Variants in SGCZ observed in about 807,000 individuals in gnomAD.
The protein encoded by SGCZ is zeta-sarcoglycan.
SGCZ carries 40 observed loss-of-function variants against 41.3 expected under a neutral mutation model. The ratio of observed to expected loss-of-function variants is 0.97; its 90% CI spans 0.75 to 1.26. The LOEUF (loss-of-function observed/expected upper bound fraction) is 1.26, where lower values mean the gene tolerates loss of function less well. Among genes scored for constraint, SGCZ ranks in the 50% most tolerant of loss-of-function variants. The probability of loss-of-function intolerance (pLI) is 0.00; values close to 1 mark genes in which losing one functional copy is unlikely to be tolerated. For missense variants in SGCZ, 552 were observed against 369.8 expected (o/e 1.49, Z -4.04); for synonymous variants, 206 against 137.5 (o/e 1.50, Z -3.49).
At chr8:14,606,371 G>A (rs1272919424) in intron 1 of SGCZ, among the ~76,000 whole-genome samples, 1 of 152,102 alleles carries the variant, frequency 6.6e-6, no homozygotes, top group Non-Finnish European at 1.5e-5. Context: ...AGCCACAATG[G>A]CTTTGTAATT....
chr8:14,346,432 T>C (rs1802893493), intron 2 of SGCZ, among the ~76,000 whole-genome samples: 2 of 152,034 alleles, frequency 1.3e-5, no homozygotes, highest in South Asian at 4.1e-4. Flanking sequence ...ACTAAAATTC[T>C]GACATAATAA....
chr8:15,174,778 G>A (rs1799948781), intron 1 of SGCZ, among the ~76,000 whole-genome samples: 1 of 152,176 alleles, frequency 6.6e-6, no homozygotes, highest in Admixed American at 6.6e-5. Context: ...ATCTCCATGT[G>A]CATTTCCTTG....
chr8:14,645,626 C>G (rs918745335), intron 1 of SGCZ, among the ~76,000 whole-genome samples: 1 of 151,278 alleles, frequency 6.6e-6, no homozygotes, highest in African/African-American at 2.4e-5. Context: ...ATGATCTTTT[C>G]CTATCTTGGA....
chr8:14,594,312 A>G (rs989043154), intron 1 of SGCZ, among the ~76,000 whole-genome samples: 3 of 151,840 alleles, frequency 2.0e-5, no homozygotes, highest in African/African-American at 7.3e-5. Flanking sequence ...AAGTTTGGGG[A>G]TGATGTTGAT....
chr8:15,057,160 C>T (rs1024348066), intron 1 of SGCZ, among the ~76,000 whole-genome samples: 8 of 152,200 alleles, frequency 5.3e-5, no homozygotes, highest in African/African-American at 1.9e-4. Flanking sequence ...AGGGGAAGAA[C>T]ATATGGGAAG....
intron 1 of SGCZ, among the ~76,000 whole-genome samples, chr8:14,903,566 G>T (rs1316035929): frequency 6.6e-6 from 1 of 152,032 alleles, no homozygotes; most frequent in Non-Finnish European, 1.5e-5. Flanking sequence ...ATGACAAACA[G>T]ATAAATGGGT....
At chr8:14,669,754 C>T (rs1168203910) in intron 1 of SGCZ, among the ~76,000 whole-genome samples, 1 of 151,762 alleles carries the variant, frequency 6.6e-6, no homozygotes. Flanking sequence ...ATTCATTCAA[C>T]AGACTTTTAG....
chr8:14,830,172 G>A (rs1388060424), intron 1 of SGCZ, among the ~76,000 whole-genome samples: 1 of 152,022 alleles, frequency 6.6e-6, no homozygotes, highest in South Asian at 2.1e-4. Flanking sequence ...TTAAAAATAT[G>A]GACCAACTTT....
At chr8:14,658,392 C>T (rs575925806) in intron 1 of SGCZ, among the ~76,000 whole-genome samples, 1 of 152,176 alleles carries the variant, frequency 6.6e-6, no homozygotes, top group East Asian at 1.9e-4. Flanking sequence ...ACAGAGTGGT[C>T]CTGTAAATTC....
At chr8:14,854,021 TTATATATATATA>T (rs10604213) in intron 1 of SGCZ, among the ~76,000 whole-genome samples, 1,438 of 107,672 alleles carry the variant, frequency 0.013, 29 homozygotes, top group African/African-American at 0.042. Flanking sequence ...TGTGATTATA[TTATATATATATA>T]TATATATATA....
intron 5 of SGCZ, among the ~76,000 whole-genome samples, chr8:14,122,523 A>G (rs1802731624): frequency 6.6e-6 from 1 of 152,224 alleles, no homozygotes; most frequent in Non-Finnish European, 1.5e-5. Context: ...GTTCATCAAT[A>G]GGGAATTATC....
At chr8:14,940,724 T>G (rs769353693) in intron 1 of SGCZ, among the ~76,000 whole-genome samples, 1 of 152,034 alleles carries the variant, frequency 6.6e-6, no homozygotes, top group Non-Finnish European at 1.5e-5. Context: ...GTAAGTGTAT[T>G]TGACCATATA....
chr8:14,779,479 A>G (rs1241184809), intron 1 of SGCZ, among the ~76,000 whole-genome samples: 4 of 152,180 alleles, frequency 2.6e-5, no homozygotes, highest in Non-Finnish European at 5.9e-5. Flanking sequence ...CTCATGAGAG[A>G]CCCTGAGCCT....
chr8:15,191,405 T>C (rs1270383111), intron 1 of SGCZ, among the ~76,000 whole-genome samples: 2 of 152,106 alleles, frequency 1.3e-5, no homozygotes, highest in Non-Finnish European at 2.9e-5. Flanking sequence ...AAGTTGAATG[T>C]CACCGCTTAA....
intron 2 of SGCZ, among the ~76,000 whole-genome samples, chr8:14,329,019 T>G (rs1285141742): frequency 6.6e-6 from 1 of 152,108 alleles, no homozygotes; most frequent in African/African-American, 2.4e-5. Flanking sequence ...TGCCTTGATC[T>G]TGGACTTCCC....
intron 1 of SGCZ, among the ~76,000 whole-genome samples, chr8:15,179,044 G>A (rs187902): frequency 0.51 from 77,797 of 151,892 alleles, 20,692 homozygotes; most frequent in Non-Finnish European, 0.58. Flanking sequence ...AAAAAACTAC[G>A]TATTATATCC....
intron 2 of SGCZ, among the ~76,000 whole-genome samples, chr8:14,531,207 T>A (rs1461855): frequency 0.82 from 123,949 of 151,622 alleles, 51,677 homozygotes; most frequent in Non-Finnish European, 0.9. Flanking sequence ...TTCATAAACC[T>A]ATCAGCATAC....
chr8:14,376,167 C>A (rs903642616), intron 2 of SGCZ, among the ~76,000 whole-genome samples: 1 of 151,700 alleles, frequency 6.6e-6, no homozygotes, highest in African/African-American at 2.4e-5. Context: ...AAAAATTAGC[C>A]GGGCATGGTG....
intron 1 of SGCZ, among the ~76,000 whole-genome samples, chr8:14,741,146 C>T (rs1799187480): frequency 6.6e-6 from 1 of 151,994 alleles, no homozygotes; most frequent in Non-Finnish European, 1.5e-5. Flanking sequence ...GTGTATTTAA[C>T]TATGAAGGAC....
Sources: allele counts gnomAD v4.1 joint callset (sites outside exome capture counted in the v4.1 genomes callset), GRCh38; gene constraint gnomAD v4.1.1; transcripts MANE v1.5; gene names NCBI Gene and HGNC (gene_info 2026-07-23, HGNC 2026-07-21).